Variants in LDAF1 observed in about 807,000 individuals in gnomAD.
LDAF1 encodes the protein lipid droplet assembly factor 1, also known as PROMETHIN.
A neutral mutation model predicts 13.5 loss-of-function variants in LDAF1; 7 were observed. The ratio of observed to expected loss-of-function variants is 0.52; its 90% CI spans 0.29 to 0.97. The LOEUF is 0.97. Among genes scored for constraint, LDAF1 ranks in the 50% least tolerant of loss-of-function variants. The probability of loss-of-function intolerance (pLI) is 0.07; values close to 1 mark genes in which losing one functional copy is unlikely to be tolerated. For missense variants in LDAF1, 148 were observed against 193.2 expected (o/e 0.77, Z 1.39); for synonymous variants, 69 against 77.1 (o/e 0.89, Z 0.55).
chr16:21,176,901 A>G (rs8043930), intron 4 of LDAF1, among the ~76,000 whole-genome samples: 64,050 of 132,080 alleles, frequency 0.48, 14,042 homozygotes, highest in East Asian at 0.75. Context: ...CTCTGTCTGG[A>G]AAAAAAAAAA....
intron 2 of LDAF1, among the ~76,000 whole-genome samples, chr16:21,164,974 A>G (rs1370682259): frequency 1.3e-5 from 2 of 152,212 alleles, no homozygotes; most frequent in African/African-American, 2.4e-5. Flanking sequence ...AGTGCCCAGC[A>G]CCTGAGTGTT....
rs1359372762 is a variant in LDAF1 at position 21,159,319 on chromosome 16, C to G, written c.-99+573C>G. 8 of 1,612,762 alleles carry G rather than the reference C, an allele frequency of 5.0e-6. No individual in the cohort carries two copies. The East Asian group carries it at 1.8e-4, about 36-fold the overall frequency. On this transcript the variant is annotated intron_variant, in intron 1 of 4. Coordinates refer to ENST00000233047, the MANE Select transcript of LDAF1 (RefSeq NM_001301771.2). ...GTGCCTTCTGGGACGCGGACCCCCT[C>G]TCCACCTGCATTTCACTCCCTTCCT...
intron 2 of LDAF1, chr16:21,165,519 A>C: frequency 3.8e-5 from 32 of 852,414 alleles, no homozygotes; most frequent in African/African-American, 5.5e-5. Context: ...AGTCCTGTGT[A>C]TTCCTTCTTT....
Position 21,179,710 on chromosome 16 carries a change from AT to A in LDAF1, c.*157del. 1.6e-6 allele frequency: 1 copy of A among 615,578 alleles called. No individual in the cohort carries two copies. The highest frequency in any genetic ancestry group is 2.8e-6 in the Non-Finnish European group (1 of 355,322). The allele number at this position is 615,578 out of a possible 1,614,324, so 38.1% of individuals were successfully genotyped here. A position where few individuals can be genotyped will look rare whatever the true frequency, so the allele number is the denominator to read the frequency against. ...TACTTGTAGGATCCCGCAGCAGCCA[AT>A]TTAGGGATTGTGTTGTTCTTGTGTT... On this transcript the variant is annotated 3_prime_UTR_variant, in exon 5 of 5. Coordinates refer to ENST00000233047, the MANE Select transcript of LDAF1 (RefSeq NM_001301771.2).
At position 21,161,114 on chromosome 16, in the gene LDAF1, C is replaced by T. The variant is rs2092969094; in HGVS notation, c.-69C>T. The T allele has an allele frequency of 1.9e-6, 3 of 1,590,182 alleles. No individual in the cohort carries two copies. The highest frequency in any genetic ancestry group is 2.2e-5 in the East Asian group (1 of 44,660). On this transcript the variant is annotated 5_prime_UTR_variant, in exon 2 of 5. Transcript: ENST00000233047. ...AGACAGAGCGACATGAGAGATTGGACCGCGGGCTGCACTGGAGAATTTACT... is the reference window on the plus strand; with the variant it reads ...AGACAGAGCGACATGAGAGATTGGATCGCGGGCTGCACTGGAGAATTTACT...
intron 3 of LDAF1, among the ~76,000 whole-genome samples, chr16:21,173,731 C>A (rs1342350097): frequency 6.6e-6 from 1 of 151,216 alleles, no homozygotes; most frequent in Admixed American, 6.6e-5. Context: ...AAAAAAAAGA[C>A]AAAATGAGCA....
intron 4 of LDAF1, 23 bp from the exon 5 acceptor site, chr16:21,179,452 G>T: frequency 6.2e-7 from 1 of 1,613,988 alleles, no homozygotes; most frequent in South Asian, 1.1e-5. Context: ...TAGAGCTAAC[G>T]ATCTCTTCTT....
chr16:21,177,722 GTTC>G (rs1346375386), intron 4 of LDAF1, among the ~76,000 whole-genome samples: 1 of 148,392 alleles, frequency 6.7e-6, no homozygotes, highest in Non-Finnish European at 1.5e-5. Context: ...GGTTCAAGCA[GTTC>G]TTCTGTCTCA....
intron 4 of LDAF1, chr16:21,179,019 C>A (rs1485256048): frequency 4.5e-5 from 8 of 178,202 alleles, no homozygotes. Flanking sequence ...TACAATCCTC[C>A]CCCGAACTCC....
intron 2 of LDAF1, 26 bp from the exon 3 acceptor site, chr16:21,170,411 C>G: frequency 6.2e-7 from 1 of 1,613,144 alleles, no homozygotes. Flanking sequence ...GTTACTTATC[C>G]CTGGCTCTTT....
intron 4 of LDAF1, among the ~76,000 whole-genome samples, chr16:21,177,616 A>ATTC (rs1555456618): frequency 2.2e-5 from 3 of 133,434 alleles, no homozygotes; most frequent in African/African-American, 8.6e-5. Context: ...GCATTAGCGA[A>ATTC]TTCTTTTTTT....
chr16:21,160,491 G>T (rs1209668367), intron 1 of LDAF1, among the ~76,000 whole-genome samples: 1 of 152,122 alleles, frequency 6.6e-6, no homozygotes, highest in Non-Finnish European at 1.5e-5. Context: ...TGGAATGATG[G>T]AATTGGGAGC....
intron 1 of LDAF1, among the ~76,000 whole-genome samples, chr16:21,158,954 C>G (rs917428252): frequency 6.6e-6 from 1 of 151,970 alleles, no homozygotes. Flanking sequence ...CACGAGGAGA[C>G]ACGATTCCTC....
chr16:21,173,857 T>G (rs2152848896), intron 3 of LDAF1, among the ~76,000 whole-genome samples, 153 bp from the exon 4 acceptor site: 1 of 152,320 alleles, frequency 6.6e-6, no homozygotes, highest in South Asian at 2.1e-4. Context: ...CCTCCTTTTT[T>G]TAAGTGATGC....
At chr16:21,166,560 C>G (rs1034605628) in intron 2 of LDAF1, among the ~76,000 whole-genome samples, 4 of 152,220 alleles carry the variant, frequency 2.6e-5, no homozygotes, top group African/African-American at 9.6e-5. Flanking sequence ...AGCCCAGTGT[C>G]CTGGTGTCCC....
At chr16:21,158,911 T>C (rs973385484) in intron 1 of LDAF1, among the ~76,000 whole-genome samples, 165 bp downstream of exon 1, 13 of 152,008 alleles carry the variant, frequency 8.6e-5, no homozygotes, top group African/African-American at 3.1e-4. Context: ...GGGCGTCTCC[T>C]GCTTATGAGT....
At chr16:21,172,772 A>G (rs1567199851) in intron 3 of LDAF1, 1 of 958,274 alleles carries the variant, frequency 1.0e-6, no homozygotes, top group Non-Finnish European at 1.2e-6. Context: ...GGTGGTTGGC[A>G]CCACACTTTG....
intron 2 of LDAF1, among the ~76,000 whole-genome samples, chr16:21,167,166 C>A (rs2093032079): frequency 6.6e-6 from 1 of 152,208 alleles, no homozygotes; most frequent in South Asian, 2.1e-4. Flanking sequence ...CACTTTAGTT[C>A]CTTCAGCATG....
At chr16:21,159,431 G>A (rs377482506) in intron 1 of LDAF1, 12 of 1,613,868 alleles carry the variant, frequency 7.4e-6, no homozygotes, top group East Asian at 2.2e-5. Context: ...GAGGCGCCCT[G>A]TAGCTCCCAT....
Sources: allele counts gnomAD v4.1 joint callset (sites outside exome capture counted in the v4.1 genomes callset), GRCh38; gene constraint gnomAD v4.1.1; transcripts MANE v1.5; gene names NCBI Gene and HGNC (gene_info 2026-07-23, HGNC 2026-07-21).